Variants in KLHL20 observed in about 807,000 individuals in gnomAD.
The protein encoded by KLHL20 is kelch-like protein 20.
Under a neutral mutation model 69.5 loss-of-function variants are expected in KLHL20, and 29 were observed. That is an observed-to-expected ratio of 0.42 (90% confidence interval 0.31 to 0.57). The LOEUF (loss-of-function observed/expected upper bound fraction) is 0.57. Ranked by LOEUF, KLHL20 falls within the 20% of genes least tolerant of loss-of-function variation. The pLI, the probability that KLHL20 is intolerant of heterozygous loss-of-function variation, is 0.18. For missense variants in KLHL20, 419 were observed against 776.0 expected (o/e 0.54, Z 5.47); for synonymous variants, 253 against 265.2 (o/e 0.95, Z 0.45).
Position 173,786,367 on chromosome 1 carries a change from G to A in KLHL20, c.*1120G>A, listed in dbSNP as rs1649202001. ...CTACTTCTCTCAAATTGCACTTTCT[G>A]GTAAAAAGTTAAAAATTTTTAAGGA... On this transcript the variant is annotated 3_prime_UTR_variant, in exon 12 of 12. Coordinates refer to ENST00000209884, the MANE Select transcript of KLHL20 (RefSeq NM_014458.4). The A allele has an allele frequency of 6.6e-6, 1 of 152,334 alleles. No homozygotes were observed. Among genetic ancestry groups the A allele is most frequent in the Non-Finnish European group, 1.5e-5 (1 of 67,964 alleles). The allele number at this position is 152,334 out of a possible 1,614,324, so 9.4% of individuals were successfully genotyped here. A position where few individuals can be genotyped will look rare whatever the true frequency, so the allele number is the denominator to read the frequency against.
chr1:173,728,481 A>G (rs1203429124), intron 2 of KLHL20, among the ~76,000 whole-genome samples: 3 of 152,180 alleles, frequency 2.0e-5, no homozygotes, highest in African/African-American at 7.2e-5. Flanking sequence ...AAAACTGACC[A>G]CATAGTTGGA....
chr1:173,729,416 A>G (rs2102464931), intron 2 of KLHL20, among the ~76,000 whole-genome samples: 1 of 152,298 alleles, frequency 6.6e-6, no homozygotes, highest in South Asian at 2.1e-4. Flanking sequence ...CAGAGACACA[A>G]CCAAAAAAGA....
intron 7 of KLHL20, among the ~76,000 whole-genome samples, chr1:173,764,871 AT>A (rs1203432222): frequency 7.0e-6 from 1 of 142,350 alleles, no homozygotes; most frequent in East Asian, 2.1e-4. Flanking sequence ...CCAATAACTT[AT>A]GGAAAAATAA....
At chr1:173,735,315 G>A (rs767174139) in intron 3 of KLHL20, among the ~76,000 whole-genome samples, 14 of 151,988 alleles carry the variant, frequency 9.2e-5, no homozygotes, top group South Asian at 2.1e-4. Context: ...GCATGGTGGC[G>A]TGCACCCTTA....
chr1:173,760,894 A>G (rs552322935), intron 7 of KLHL20, among the ~76,000 whole-genome samples: 8 of 152,350 alleles, frequency 5.3e-5, no homozygotes, highest in Admixed American at 3.9e-4. Context: ...CTCACATTTC[A>G]ATACTAACAT....
chr1:173,783,649 C>T (rs1196957189), intron 11 of KLHL20, among the ~76,000 whole-genome samples: 1 of 152,120 alleles, frequency 6.6e-6, no homozygotes, highest in African/African-American at 2.4e-5. Context: ...GGGCGGATCA[C>T]CTGAGGTCAG....
chr1:173,731,254 T>C (rs1449641606), intron 2 of KLHL20, among the ~76,000 whole-genome samples: 1 of 152,102 alleles, frequency 6.6e-6, no homozygotes, highest in Non-Finnish European at 1.5e-5. Context: ...TAGAAACACT[T>C]TTACACTGTT....
intron 2 of KLHL20, among the ~76,000 whole-genome samples, chr1:173,718,859 C>A (rs1488684728): frequency 2.0e-5 from 3 of 151,984 alleles, no homozygotes; most frequent in African/African-American, 7.3e-5. Context: ...AATCCCAGCA[C>A]TTTGGGAGGC....
chr1:173,730,665 G>A (rs1424204613), intron 2 of KLHL20, among the ~76,000 whole-genome samples: 7 of 152,262 alleles, frequency 4.6e-5, no homozygotes, highest in Admixed American at 3.3e-4. Context: ...CTGGCTAGCT[G>A]TATGTAGAAA....
chr1:173,764,463 TG>T (rs1352222555), intron 7 of KLHL20, among the ~76,000 whole-genome samples: 1 of 152,178 alleles, frequency 6.6e-6, no homozygotes. Flanking sequence ...TGCAAAATCG[TG>T]GAAGCAAACC....
chr1:173,731,676 A>T (rs954966280), intron 2 of KLHL20, among the ~76,000 whole-genome samples: 15 of 142,202 alleles, frequency 1.1e-4, no homozygotes, highest in African/African-American at 3.6e-4. Context: ...ATGAGAATAC[A>T]TGAATACAGG....
chr1:173,735,604 G>A (rs1319823566), intron 3 of KLHL20, among the ~76,000 whole-genome samples: 2 of 152,108 alleles, frequency 1.3e-5, no homozygotes, highest in Non-Finnish European at 2.9e-5. Context: ...CAGGACCATA[G>A]TTTTTTTCCC....
rs1571838048 is a variant in KLHL20, at chr1:173,716,184, G to A, written c.23+118G>A. The A allele has an allele frequency of 2.5e-5, 21 of 827,960 alleles. No homozygotes were observed. The East Asian group carries it at 5.3e-4, about 21-fold the overall frequency. The allele number at this position is 827,960 out of a possible 1,614,324, so 51.3% of individuals were successfully genotyped here. On this transcript the variant is annotated intron_variant, in intron 2 of 11. Coordinates refer to ENST00000209884, the MANE Select transcript of KLHL20 (RefSeq NM_014458.4). ...ATTCTGCTTGGAACTAATGAGTCTT[G>A]TTCTACAATAAATCAAAAGTAATAT...
chr1:173,753,162 G>C, intron 4 of KLHL20, 51 bp from the exon 5 acceptor site: 1 of 1,431,060 alleles, frequency 7.0e-7, no homozygotes, highest in Non-Finnish European at 9.7e-7. Context: ...AACAGAGTAA[G>C]ACCTATCTCA....
chr1:173,738,149 C>T (rs943528767), intron 3 of KLHL20, among the ~76,000 whole-genome samples: 8 of 151,974 alleles, frequency 5.3e-5, no homozygotes, highest in South Asian at 2.1e-4. Context: ...ATCATATTGT[C>T]GGCAAACAGC....
chr1:173,773,470 T>G (rs1648241862), intron 8 of KLHL20, among the ~76,000 whole-genome samples: 2 of 150,920 alleles, frequency 1.3e-5, no homozygotes, highest in South Asian at 4.1e-4. Flanking sequence ...TTTTTTTAAA[T>G]GTAATGTTAA....
chr1:173,776,302 G>A (rs1433374974), intron 10 of KLHL20, among the ~76,000 whole-genome samples: 2 of 151,988 alleles, frequency 1.3e-5, no homozygotes, highest in African/African-American at 4.8e-5. Context: ...CTATTGAGTT[G>A]TTTGAGCCCT....
intron 2 of KLHL20, among the ~76,000 whole-genome samples, chr1:173,733,181 G>A (rs1322937949): frequency 6.6e-6 from 1 of 151,706 alleles, no homozygotes; most frequent in South Asian, 2.1e-4. Flanking sequence ...CACCACACAC[G>A]GCTAATTTTT....
At chr1:173,762,032 CAGG>C (rs1647338941) in intron 7 of KLHL20, among the ~76,000 whole-genome samples, 1 of 151,976 alleles carries the variant, frequency 6.6e-6, no homozygotes, top group Non-Finnish European at 1.5e-5. Flanking sequence ...GAAAATGAAA[CAGG>C]AGCTATTACA....
Sources: allele counts gnomAD v4.1 joint callset (sites outside exome capture counted in the v4.1 genomes callset), GRCh38; gene constraint gnomAD v4.1.1; transcripts MANE v1.5; gene names NCBI Gene and HGNC (gene_info 2026-07-23, HGNC 2026-07-21).